The following VEPH1 variants were observed in gnomAD, a reference collection of about 807,000 sequenced individuals.
VEPH1 encodes ventricular zone expressed PH domain containing 1, also known as ventricular zone-expressed PH domain-containing protein homolog 1.
VEPH1 carries 80 observed loss-of-function variants against 85.2 expected under a neutral mutation model. That is an observed-to-expected ratio of 0.94 (90% CI 0.78 to 1.13). The LOEUF (loss-of-function observed/expected upper bound fraction) is 1.13. Among genes scored for constraint, VEPH1 ranks in the 50% most tolerant of loss-of-function variants. The probability of loss-of-function intolerance (pLI) is 0.00; values close to 1 mark genes in which losing one functional copy is unlikely to be tolerated. For synonymous variants in VEPH1, 297 were observed against 348.0 expected, an observed-to-expected ratio of 0.85 and a Z score of 1.63; for missense variants, 955 against 980.5, an observed-to-expected ratio of 0.97 and a Z score of 0.35.
chr3:157,381,184 G>T lies in VEPH1; in HGVS notation c.1099C>A (p.Leu367Met). The change falls in exon 7 of 14, where the codon CTG becomes ATG. Residue 367 changes from leucine to methionine, a missense_variant. Physicochemically the swap from Leu to Met is conservative, Grantham distance 15. Coordinates refer to ENST00000362010, the MANE Select transcript of VEPH1 (RefSeq NM_001167912.2). ...CCACTTCCAGCCTTGGTATTTTCCA[G>T]TTGTCGGGTAAGGAGTTTAGCAATG... ...TAIAKLLTRQ[L>M]ENTKAGSGRR... 1 of 1,613,892 alleles carries T rather than the reference G, an allele frequency of 6.2e-7. No homozygotes were observed. The highest frequency in any genetic ancestry group is 8.5e-7 in the Non-Finnish European group (1 of 1,180,004).
intron 7 of VEPH1, among the ~76,000 whole-genome samples, chr3:157,367,847 A>G (rs1046335431): frequency 5.9e-5 from 9 of 152,314 alleles, no homozygotes; most frequent in Non-Finnish European, 1.2e-4. Flanking sequence ...ATGAATTGTT[A>G]GAGGAAAATT....
Position 157,324,594 on chromosome 3 carries a change from C to A in VEPH1, c.1736-7393G>T, listed in dbSNP as rs1444805368. On this transcript the variant is annotated intron_variant, in intron 9 of 13. Transcript: ENST00000362010. Reference sequence around the variant, plus strand: ...CGTGAGAACATGTGGTGTTTGGTTTCCTGTTCCTGCATTAGTTTGCTGAGG... The same window carrying A: ...CGTGAGAACATGTGGTGTTTGGTTTACTGTTCCTGCATTAGTTTGCTGAGG... 4.6e-5 allele frequency among the ~76,000 whole-genome samples: 7 copies of A among 151,978 alleles called. No homozygotes were observed. In the East Asian group the frequency reaches 1.4e-3, roughly 29 times the overall value.
intron 4 of VEPH1, among the ~76,000 whole-genome samples, chr3:157,444,388 A>T (rs1190818541): frequency 6.6e-6 from 1 of 152,236 alleles, no homozygotes; most frequent in East Asian, 1.9e-4. Context: ...CAGCAATAAA[A>T]TTCCATGAAT....
rs73873651 is a variant in VEPH1 at position 157,363,425 on chromosome 3, C to T, written c.1674G>A (p.Val558=). 409 of 1,612,988 alleles carry T rather than the reference C, an allele frequency of 2.5e-4. 4 individuals are homozygous for T. The African/African-American group carries it at 4.6e-3, about 18-fold the overall frequency. Residue 558 remains valine (V), a synonymous_variant, in exon 9 of 14, where the codon GTG becomes GTA. Coordinates refer to ENST00000362010, the MANE Select transcript of VEPH1 (RefSeq NM_001167912.2). ...TTCCAATTTCCATGGCATATGCTTT[C>T]ACTTTGCTGAGGTTTTTTTTTAAGT... is the stretch of plus-strand genomic sequence containing the variant. ...YLHLKKNLSK[V]KAYAMEIGKK... is the part of the protein sequence containing the mutation.
intron 11 of VEPH1, among the ~76,000 whole-genome samples, chr3:157,287,834 G>A (rs1716977975): frequency 1.3e-5 from 2 of 152,106 alleles, no homozygotes; most frequent in Admixed American, 1.3e-4. Context: ...CAAAAGGCTG[G>A]GATTGCAGGC....
chr3:157,294,856 A>C (rs1407408713), intron 11 of VEPH1, among the ~76,000 whole-genome samples: 3 of 152,178 alleles, frequency 2.0e-5, no homozygotes, highest in African/African-American at 7.2e-5. Context: ...AGAGAGATTT[A>C]TTTTCCCAGA....
chr3:157,502,005 G>T (rs1189918010), intron 1 of VEPH1, among the ~76,000 whole-genome samples: 2 of 152,146 alleles, frequency 1.3e-5, no homozygotes, highest in Non-Finnish European at 2.9e-5. Flanking sequence ...AGCGTGAAAG[G>T]ACTACAGGCG....
In VEPH1 at chr3:157,416,676, T is replaced by C. The variant is rs185046954; in HGVS notation, c.697-2586A>G. Among the ~76,000 whole-genome samples, 187 of 152,270 alleles carry C rather than the reference T, an allele frequency of 1.2e-3. 1 individual carries two copies. The highest frequency in any genetic ancestry group is 4.4e-3 in the African/African-American group (182 of 41,548). ...GTGCTTCTAGTCATGTCACTTTTACTTTAAAATTTAAACTCCAGTGATACG... is the reference window on the plus strand; with the variant it reads ...GTGCTTCTAGTCATGTCACTTTTACCTTAAAATTTAAACTCCAGTGATACG... On this transcript the variant is annotated intron_variant, in intron 5 of 13. Coordinates refer to ENST00000362010, the MANE Select transcript of VEPH1 (RefSeq NM_001167912.2).
intron 9 of VEPH1, among the ~76,000 whole-genome samples, chr3:157,342,250 G>A (rs1358686769): frequency 6.6e-6 from 1 of 152,132 alleles, no homozygotes; most frequent in East Asian, 1.9e-4. Flanking sequence ...AAAGAGTCAA[G>A]ACCCATCAGT....
chr3:157,298,036 A>C (rs1299098978), intron 11 of VEPH1, among the ~76,000 whole-genome samples: 1 of 151,072 alleles, frequency 6.6e-6, no homozygotes, highest in Non-Finnish European at 1.5e-5. Flanking sequence ...ATTGAAAAAA[A>C]TTCAGGGCAG....
At chr3:157,281,602 A>T (rs1716136880) in intron 12 of VEPH1, among the ~76,000 whole-genome samples, 1 of 150,520 alleles carries the variant, frequency 6.6e-6, no homozygotes, top group South Asian at 2.1e-4. Context: ...CAGTGGCATG[A>T]TCTTGGCTCA....
chr3:157,349,050 G>A (rs1568609), intron 9 of VEPH1, among the ~76,000 whole-genome samples: 89,290 of 152,010 alleles, frequency 0.59, 27,552 homozygotes, highest in East Asian at 0.79. Context: ...GACTCAGCAA[G>A]AAAATAAAAC....
chr3:157,313,137 C>G (rs1239517613), intron 11 of VEPH1, among the ~76,000 whole-genome samples: 1 of 151,750 alleles, frequency 6.6e-6, no homozygotes, highest in Non-Finnish European at 1.5e-5. Context: ...ATCTCCTGAC[C>G]TCGTGATCCG....
At chr3:157,265,802 A>G (rs1454664801) in intron 12 of VEPH1, 140 bp from the exon 13 acceptor site, 3 of 852,184 alleles carry the variant, frequency 3.5e-6, no homozygotes, top group Admixed American at 2.8e-5. Context: ...AATTTGGTTA[A>G]CCTTTCCTCC....
rs139246642 is a variant in VEPH1 at position 157,363,563 on chromosome 3, A to T, written c.1536T>A (p.Asn512Lys). ...AATTCTCTGAGTCTATATGTATAAT[A>T]TTTGGGTATGAAACTGAAGACTCCC... ...QLGESSVSYP[N>K]IIHIDSENLS... The change falls in exon 9 of 14, where the codon AAT becomes AAA. Residue 512 changes from asparagine (N) to lysine (K), a missense_variant. By Grantham distance (94) the Asn-to-Lys change is moderately conservative. Transcript: ENST00000362010. 1.0e-3 allele frequency: 1,641 copies of T among 1,614,084 alleles called. 4 individuals are homozygous for T. The highest frequency in any genetic ancestry group is 1.3e-3 in the Non-Finnish European group (1,545 of 1,180,008).
chr3:157,494,000 G>T (rs1251530850), intron 2 of VEPH1, among the ~76,000 whole-genome samples: 1 of 152,144 alleles, frequency 6.6e-6, no homozygotes, highest in African/African-American at 2.4e-5. Context: ...AAATGAAAAT[G>T]TACCAGGAAC....
At chr3:157,368,525 TC>T (rs1726997647) in intron 7 of VEPH1, among the ~76,000 whole-genome samples, 1 of 152,008 alleles carries the variant, frequency 6.6e-6, no homozygotes, top group African/African-American at 2.4e-5. Flanking sequence ...TGAGTCACGC[TC>T]TGTCGCCCAG....
intron 2 of VEPH1, among the ~76,000 whole-genome samples, chr3:157,473,159 G>T (rs1286058964): frequency 7.4e-6 from 1 of 135,906 alleles, no homozygotes; most frequent in South Asian, 2.4e-4. Flanking sequence ...TGCCACTTCC[G>T]CCTCTGGGGT....
Position 157,346,906 on chromosome 3 carries a change from G to A in VEPH1, c.1735+16458C>T, listed in dbSNP as rs138323589. Among the ~76,000 whole-genome samples, 5 of 152,216 alleles carry A rather than the reference G, an allele frequency of 3.3e-5. No individual in the cohort carries two copies. The East Asian group carries it at 7.7e-4, about 23-fold the overall frequency. On this transcript the variant is annotated intron_variant, in intron 9 of 13. Coordinates refer to ENST00000362010, the MANE Select transcript of VEPH1 (RefSeq NM_001167912.2). ...GCTGAGATTACAGGTGTGAGCCACC[G>A]TGCCTAGCCTAAATTTTGAATTAAA...
Sources: gnomAD v4.1 joint callset for allele counts (sites outside exome capture counted in the v4.1 genomes callset) on GRCh38, gnomAD v4.1.1 for gene constraint, MANE v1.5 for transcripts, NCBI Gene and HGNC (gene_info 2026-07-23, HGNC 2026-07-21) for gene names.